ESYT2: variants seen among roughly 807,000 people sequenced by gnomAD.
ESYT2 encodes extended synaptotagmin-2.
In ESYT2, 54 loss-of-function variants were observed where a neutral mutation model predicts 107.2. That is an observed-to-expected ratio of 0.50 (90% CI 0.40 to 0.63). The LOEUF (loss-of-function observed/expected upper bound fraction) is 0.63, where lower values mean the gene tolerates loss of function less well. Among genes scored for constraint, ESYT2 ranks in the 30% least tolerant of loss-of-function variants. The probability of loss-of-function intolerance (pLI) is 0.00; values close to 1 mark genes in which losing one functional copy is unlikely to be tolerated. For missense variants in ESYT2, 1,020 were observed against 1,094.5 expected (o/e 0.93, Z 0.96); for synonymous variants, 491 against 434.1 (o/e 1.13, Z -1.63).
chr7:158,737,185 A>G lies in ESYT2; in HGVS notation c.2268-6T>C. On this transcript the variant is annotated splice_polypyrimidine_tract_variant and splice_region_variant and intron_variant, in intron 19 of 22. Coordinates refer to ENST00000275418, the MANE Select transcript of ESYT2 (RefSeq NM_001367773.1). ...CAGAGAAGGCAATGAGGTTTCTTAC[A>G]ACACAAACCAGATAAGACGAGGTAT... 2 of 1,613,452 alleles carry G rather than the reference A, an allele frequency of 1.2e-6. No homozygotes were observed. The highest frequency in any genetic ancestry group is 1.7e-6 in the Non-Finnish European group (2 of 1,179,450).
At position 158,806,058 on chromosome 7, in the gene ESYT2, C is replaced by CGGCGCCGGGGCACACCACGTGGGA. The variant is rs1563032856; in HGVS notation, c.331-6987_331-6986insTCCCACGTGGTGTGCCCCGGCGCC. On this transcript the variant is annotated intron_variant, in intron 1 of 22. Coordinates refer to ENST00000275418, the MANE Select transcript of ESYT2 (RefSeq NM_001367773.1). ...TGAAGGAGGACACTAGCAGCAGAGC[C>CGGCGCCGGGGCACACCACGTGGGA]GGCGCCGGGGCACACCGCGTGGGAG... Among the ~76,000 whole-genome samples the CGGCGCCGGGGCACACCACGTGGGA allele has an allele frequency of 2.1e-4, 16 of 76,752 alleles. 1 individual carries two copies. The highest frequency in any genetic ancestry group is 6.2e-4 in the African/African-American group (15 of 24,026). 50.4% of individuals were successfully genotyped at this position (76,752 alleles called of 152,430 possible). A position where few individuals can be genotyped will look rare whatever the true frequency, so the allele number is the denominator to read the frequency against.
At chr7:158,757,754 G>GTTTTTTTTTTTTTTTTTT (rs67853250) in intron 13 of ESYT2, among the ~76,000 whole-genome samples, 2 of 76,420 alleles carry the variant, frequency 2.6e-5, no homozygotes, top group African/African-American at 3.3e-5. Context: ...GTCTCTCTGG[G>GTTTTTTTTTTTTTTTTTT]TTTTTTTTTT....
At chr7:158,794,964 A>G (rs1373476840) in intron 3 of ESYT2, among the ~76,000 whole-genome samples, 1 of 152,182 alleles carries the variant, frequency 6.6e-6, no homozygotes, top group Non-Finnish European at 1.5e-5. Context: ...CCATGTACAG[A>G]CTGCACTAAA....
intron 13 of ESYT2, among the ~76,000 whole-genome samples, chr7:158,757,005 T>A (rs1009606058): frequency 1.1e-4 from 17 of 151,764 alleles, no homozygotes; most frequent in African/African-American, 1.9e-4. Flanking sequence ...CACATTGAGA[T>A]GAACCACAAG....
At chr7:158,743,463 A>G (rs2305472) in intron 17 of ESYT2, 66 bp downstream of exon 17, 303,726 of 1,557,278 alleles carry the variant, frequency 0.2, 36,898 homozygotes, top group East Asian at 0.56. Context: ...CCCGGGGCCC[A>G]TGAGTATCCC....
At chr7:158,759,698 T>G in intron 12 of ESYT2, 117 bp from the exon 13 acceptor site, 1 of 780,194 alleles carries the variant, frequency 1.3e-6, no homozygotes. Context: ...AACCATCCAA[T>G]CCATGCAACA....
chr7:158,770,261 T>G (rs1306695392), intron 7 of ESYT2, among the ~76,000 whole-genome samples: 1 of 152,132 alleles, frequency 6.6e-6, no homozygotes, highest in Non-Finnish European at 1.5e-5. Flanking sequence ...ATAGAAAGAC[T>G]GACAACTAGT....
chr7:158,759,674 T>C, intron 12 of ESYT2, 93 bp from the exon 13 acceptor site: 2 of 1,065,800 alleles, frequency 1.9e-6, no homozygotes, highest in South Asian at 1.6e-5. Context: ...ACGCTAAAAA[T>C]AAGAAAGGTG....
chr7:158,778,640 C>T (rs1461256414), intron 6 of ESYT2, among the ~76,000 whole-genome samples: 1 of 152,130 alleles, frequency 6.6e-6, no homozygotes, highest in African/African-American at 2.4e-5. Context: ...ACTTACTTCA[C>T]CAGAACTGCA....
At chr7:158,811,878 CTCTT>C (rs1297718851) in intron 1 of ESYT2, among the ~76,000 whole-genome samples, 1 of 152,236 alleles carries the variant, frequency 6.6e-6, no homozygotes, top group African/African-American at 2.4e-5. Flanking sequence ...AGGGTACAGT[CTCTT>C]TCAAGAGGAA....
chr7:158,735,530 C>G lies in ESYT2; in HGVS notation c.2478G>C (p.Leu826=), dbSNP rs914823879. 1.9e-6 allele frequency: 3 copies of G among 1,614,030 alleles called. No homozygotes were observed. Among genetic ancestry groups the G allele is most frequent in the African/African-American group, 1.3e-5 (1 of 74,934 alleles). The change falls in exon 21 of 23, where the codon CTG becomes CTC. Residue 826 remains leucine (L), a synonymous_variant. Transcript: ENST00000275418. ...DVAVKNSGGF[L]SKDKGLLGKV... ...TGCCAAGGAGCCCTTTGTCTTTGGACAGGAAGCCGCCACTGTTCTTCACGG... is the reference window on the plus strand; with the variant it reads ...TGCCAAGGAGCCCTTTGTCTTTGGAGAGGAAGCCGCCACTGTTCTTCACGG...
At chr7:158,790,277 GATC>G (rs1383468247) in intron 4 of ESYT2, among the ~76,000 whole-genome samples, 1 of 152,168 alleles carries the variant, frequency 6.6e-6, no homozygotes, top group Non-Finnish European at 1.5e-5. Flanking sequence ...ACTCAAAGAT[GATC>G]ATTTTAATAA....
At chr7:158,741,345 G>A (rs148455377) in intron 18 of ESYT2, among the ~76,000 whole-genome samples, 178 bp downstream of exon 18, 238 of 152,274 alleles carry the variant, frequency 1.6e-3, no homozygotes, top group Non-Finnish European at 1.1e-3. Context: ...TCCAAAGTCC[G>A]AGATGCAGTG....
rs879625023 is a variant in ESYT2 at position 158,798,897 on chromosome 7, G to C, written c.372+134C>G. The C allele has an allele frequency of 1.4e-4, 99 of 732,528 alleles. 1 individual carries two copies. The highest frequency in any genetic ancestry group is 1.2e-3 in the South Asian group (68 of 56,226). 45.4% of individuals were successfully genotyped at this position (732,528 alleles called of 1,614,324 possible). A position where few individuals can be genotyped will look rare whatever the true frequency, so the allele number is the denominator to read the frequency against. ...TGCATTTGTTGTGACTGAGGTCTTT[G>C]GGGACCAGAAGCCAACCCACTAAAG... On this transcript the variant is annotated intron_variant, in intron 2 of 22. Transcript: ENST00000275418.
At position 158,767,671 on chromosome 7, in the gene ESYT2, G is replaced by A. The variant is rs772699152; in HGVS notation, c.907C>T (p.Arg303Trp). ...LVSEVQIAQL[R>W]FPVPKGVLRI... ...ACGCTTACCTTTGGTACAGGAAACC[G>A]CAACTGAGCTATTTGAACTTCACTG... is the stretch of plus-strand genomic sequence containing the variant. The change falls in exon 8 of 23, where the codon CGG (arginine) becomes TGG (tryptophan). Residue 303 changes from arginine (R) to tryptophan (W), a missense_variant. Transcript: ENST00000275418. 5.0e-6 allele frequency: 8 copies of A among 1,611,474 alleles called. No individual in the cohort carries two copies. Among genetic ancestry groups the A allele is most frequent in the African/African-American group, 1.3e-5 (1 of 74,820 alleles).
At chr7:158,737,950 A>G (rs897750675) in intron 19 of ESYT2, among the ~76,000 whole-genome samples, 1 of 152,226 alleles carries the variant, frequency 6.6e-6, no homozygotes, top group African/African-American at 2.4e-5. Context: ...ACTTATTAAT[A>G]TAACAAACAA....
rs763933304 is a variant in ESYT2 at position 158,741,548 on chromosome 7, G to A, written c.2143C>T (p.Arg715Trp). 14 of 1,593,052 alleles carry A rather than the reference G, an allele frequency of 8.8e-6. No homozygotes were observed. The East Asian group carries it at 1.3e-4, about 15-fold the overall frequency. Reference sequence around the variant, plus strand: ...TTTTCCAGCTGCCTCAGCCTTTGCCGCAGCTCCTGGGTGGCGATGGGCAGC... The same window carrying A: ...TTTTCCAGCTGCCTCAGCCTTTGCCACAGCTCCTGGGTGGCGATGGGCAGC... ...ISLPIATQEL[R>W]QRLRQLENGT... Residue 715 changes from arginine to tryptophan, a missense_variant, in exon 18 of 23, where the codon CGG (arginine) becomes TGG (tryptophan). Arg to Trp is a moderately radical substitution (Grantham distance 101). Transcript: ENST00000275418.
intron 4 of ESYT2, among the ~76,000 whole-genome samples, chr7:158,790,126 T>C (rs1334444208): frequency 1.3e-5 from 2 of 152,194 alleles, no homozygotes; most frequent in Non-Finnish European, 2.9e-5. Context: ...TTTATTCCAC[T>C]GATGACAATG....
chr7:158,816,095 C>G (rs1268540851), intron 1 of ESYT2, among the ~76,000 whole-genome samples: 1 of 152,188 alleles, frequency 6.6e-6, no homozygotes, highest in Admixed American at 6.5e-5. Flanking sequence ...GAGGACTATC[C>G]ATAAGGCCCT....
Sources: allele counts gnomAD v4.1 joint callset (sites outside exome capture counted in the v4.1 genomes callset), GRCh38; gene constraint gnomAD v4.1.1; transcripts MANE v1.5; gene names NCBI Gene and HGNC (gene_info 2026-07-23, HGNC 2026-07-21).